GRAMD1B: variants seen among roughly 807,000 people sequenced by gnomAD.
The protein encoded by GRAMD1B is protein Aster-B.
GRAMD1B carries 37 observed loss-of-function variants against 99.7 expected under a neutral mutation model. The ratio of observed to expected loss-of-function variants is 0.37; its 90% CI spans 0.29 to 0.49. The LOEUF is 0.49. Among genes scored for constraint, GRAMD1B ranks in the 20% least tolerant of loss-of-function variants. The probability of loss-of-function intolerance (pLI) is 0.98; values close to 1 mark genes in which losing one functional copy is unlikely to be tolerated. For missense variants in GRAMD1B, 888 were observed against 1,009.2 expected, an observed-to-expected ratio of 0.88 and a Z score of 1.63; for synonymous variants, 427 against 387.6, an observed-to-expected ratio of 1.10 and a Z score of -1.19.
chr11:123,428,391 T>C (rs1948728401), upstream of GRAMD1B, among the ~76,000 whole-genome samples: 1 of 152,178 alleles, frequency 6.6e-6, no homozygotes, highest in African/African-American at 2.4e-5. Flanking sequence ...CTTTCTGTGC[T>C]ATGTCCAGGA....
At chr11:123,559,797 G>C (rs1801518278) in intron 2 of GRAMD1B, 2 of 498,606 alleles carry the variant, frequency 4.0e-6, no homozygotes, top group Admixed American at 1.3e-4. Flanking sequence ...AGAGGCCCTC[G>C]GCCATCTTTT....
In GRAMD1B at chr11:123,610,026, C is replaced by T; in HGVS notation, c.1776+113C>T. The T allele has an allele frequency of 2.4e-6, 2 of 846,770 alleles. No individual in the cohort carries two copies. Among genetic ancestry groups the T allele is most frequent in the South Asian group, 1.6e-5 (1 of 63,888 alleles). 52.5% of individuals were successfully genotyped at this position (846,770 alleles called of 1,614,324 possible). The stretch of plus-strand genomic sequence containing the variant: ...TTTCAGGGCGCAAGTGTCATTTTGC[C>T]CCAAAGCGGTGGTGGCGTCTTGCTT... On this transcript the variant is annotated intron_variant, in intron 13 of 19. Coordinates refer to ENST00000635736, the MANE Select transcript of GRAMD1B (RefSeq NM_001387025.1). The surrounding 1 kb of genome is among the most constrained non-coding windows in gnomAD (Gnocchi z 4.1).
chr11:123,598,098 G>A, intron 7 of GRAMD1B: 7 of 1,583,604 alleles, frequency 4.4e-6, no homozygotes, highest in Non-Finnish European at 5.2e-6. Context: ...TCTTTAATCT[G>A]TGTCACATTA....
At chr11:123,453,869 G>A (rs1949997503) in intron 1 of GRAMD1B, among the ~76,000 whole-genome samples, 1 of 152,202 alleles carries the variant, frequency 6.6e-6, no homozygotes, top group South Asian at 2.1e-4. Flanking sequence ...GAAGTCCCAG[G>A]TCGCTACTGA....
chr11:123,377,773 A>G (rs564650444), intron 1 of GRAMD1B, among the ~76,000 whole-genome samples: 5 of 152,364 alleles, frequency 3.3e-5, no homozygotes, highest in Admixed American at 2.6e-4. Context: ...TTCCAATGGA[A>G]GACCCTGAAC....
intron 2 of GRAMD1B, among the ~76,000 whole-genome samples, chr11:123,531,730 GTTT>G (rs57528529): frequency 0.021 from 1,656 of 78,068 alleles, 17 homozygotes; most frequent in African/African-American, 0.064. Flanking sequence ...TTGCTAGATG[GTTT>G]TTTTTTTTTT....
rs567218136 is a variant in GRAMD1B at position 123,585,640 on chromosome 11, G to A, written c.684+1308G>A. Among the ~76,000 whole-genome samples the A allele has an allele frequency of 2.8e-4, 43 of 152,278 alleles. 1 individual carries two copies. The South Asian group carries it at 8.5e-3, about 30-fold the overall frequency. ...CCTGTGGCGTCAGAAGAGGGGAGGGGGATGAGTGCTGAGCTTCCTGGGAGC... is the reference window on the plus strand; with the variant it reads ...CCTGTGGCGTCAGAAGAGGGGAGGGAGATGAGTGCTGAGCTTCCTGGGAGC... On this transcript the variant is annotated intron_variant, in intron 4 of 19. Transcript: ENST00000635736.
chr11:123,595,483 G>A (rs1293602226), intron 6 of GRAMD1B, among the ~76,000 whole-genome samples: 2 of 152,026 alleles, frequency 1.3e-5, no homozygotes, highest in South Asian at 2.1e-4. Flanking sequence ...AAGTAGAGAC[G>A]GGGTTTCTCC....
At chr11:123,509,371 G>C (rs1330097302) in intron 2 of GRAMD1B, among the ~76,000 whole-genome samples, 2 of 152,202 alleles carry the variant, frequency 1.3e-5, no homozygotes, top group African/African-American at 4.8e-5. Flanking sequence ...GAGCTGTTGG[G>C]GGAAAATGAT....
chr11:123,476,973 G>C (rs1951309188), intron 1 of GRAMD1B, among the ~76,000 whole-genome samples: 1 of 152,070 alleles, frequency 6.6e-6, no homozygotes, highest in African/African-American at 2.4e-5. Context: ...TATTTATATT[G>C]AATCTTACTT....
chr11:123,464,490 C>T (rs996730537), intron 1 of GRAMD1B, among the ~76,000 whole-genome samples: 2 of 152,104 alleles, frequency 1.3e-5, no homozygotes, highest in African/African-American at 4.8e-5. Flanking sequence ...TATAAATCAG[C>T]CCCCTCCACC....
chr11:123,440,025 T>G (rs919126442), intron 1 of GRAMD1B, among the ~76,000 whole-genome samples: 2 of 152,198 alleles, frequency 1.3e-5, no homozygotes, highest in African/African-American at 4.8e-5. Context: ...GCGCCCAGTT[T>G]GGGGATGGTA....
chr11:123,486,554 GAAAAAAAAAAAAAAAC>G (rs1399924227), intron 2 of GRAMD1B, among the ~76,000 whole-genome samples: 3 of 102,336 alleles, frequency 2.9e-5, no homozygotes, highest in African/African-American at 9.7e-5. Context: ...TCTCAAAAAA[GAAAAAAAAAAAAAAAC>G]AAAAAGAAAA....
At chr11:123,618,977 G>A (rs937864525) in intron 18 of GRAMD1B, 130 bp from the exon 19 acceptor site, 3 of 685,776 alleles carry the variant, frequency 4.4e-6, no homozygotes, top group Non-Finnish European at 5.1e-6. Flanking sequence ...GGGGCACAGG[G>A]GAACCGGGGG....
At chr11:123,563,260 T>A (rs1009549641) in intron 2 of GRAMD1B, among the ~76,000 whole-genome samples, 1 of 152,154 alleles carries the variant, frequency 6.6e-6, no homozygotes, top group African/African-American at 2.4e-5. Context: ...ATCAGAGCTG[T>A]CCCAAGGTGC....
At chr11:123,515,789 G>A (rs1289742327) in intron 2 of GRAMD1B, among the ~76,000 whole-genome samples, 2 of 149,954 alleles carry the variant, frequency 1.3e-5, no homozygotes, top group Non-Finnish European at 3.0e-5. Flanking sequence ...TTTTTTTGAG[G>A]CAGAGTCTTG....
intron 2 of GRAMD1B, among the ~76,000 whole-genome samples, chr11:123,561,697 C>G (rs929570490): frequency 6.6e-6 from 1 of 152,220 alleles, no homozygotes; most frequent in African/African-American, 2.4e-5. Context: ...CACTGTGCTC[C>G]GGGGAGACCC....
chr11:123,457,117 A>AGAAAGAAAGAAAGAAAGAAAGAAAG lies in GRAMD1B; in HGVS notation c.375-23699_375-23698insGAAAGAAAGAAAGAAAGAAAGAAAG. On this transcript the variant is annotated intron_variant, in intron 1 of 19. Coordinates refer to ENST00000635736, the MANE Select transcript of GRAMD1B (RefSeq NM_001387025.1). ...ACAGAGAGAGACCCTTTCTGAGAAA[A>AGAAAGAAAGAAAGAAAGAAAGAAAG]AAAGAAAGAAAGAAAGAAAGAATTA... Among the ~76,000 whole-genome samples the AGAAAGAAAGAAAGAAAGAAAGAAAG allele has an allele frequency of 4.1e-3, 405 of 99,202 alleles. 15 individuals carry two copies. Among genetic ancestry groups the AGAAAGAAAGAAAGAAAGAAAGAAAG allele is most frequent in the Middle Eastern group, 5.2e-3 (1 of 194 alleles). The allele number at this position is 99,202 out of a possible 152,430, so 65.1% of individuals were successfully genotyped here.
chr11:123,362,979 A>G (rs1375643722), intron 1 of GRAMD1B, among the ~76,000 whole-genome samples: 2 of 152,066 alleles, frequency 1.3e-5, no homozygotes, highest in Non-Finnish European at 2.9e-5. Context: ...CGGAGAGAGG[A>G]AGCAAGCCAA....
Sources: gnomAD v4.1 joint callset for allele counts (sites outside exome capture counted in the v4.1 genomes callset) on GRCh38, gnomAD v4.1.1 for gene constraint, Gnocchi (gnomAD v3.1) non-coding constraint, MANE v1.5 for transcripts, NCBI Gene and HGNC (gene_info 2026-07-23, HGNC 2026-07-21) for gene names.